Variants in ZFPM2 observed in about 807,000 individuals in gnomAD.
ZFPM2 encodes the protein zinc finger protein, FOG family member 2.
ZFPM2 carries 20 observed loss-of-function variants against 98.6 expected under a neutral mutation model. The observed-to-expected ratio is 0.20, with a 90% CI of 0.14 to 0.29. ZFPM2 has a LOEUF of 0.29. Among genes scored for constraint, ZFPM2 ranks in the 10% least tolerant of loss-of-function variants. The probability of loss-of-function intolerance (pLI) is 1.00; values close to 1 mark genes in which losing one functional copy is unlikely to be tolerated. For synonymous variants in ZFPM2, 518 were observed against 502.7 expected (o/e 1.03, Z -0.41); for missense variants, 1,310 against 1,388.6 (o/e 0.94, Z 0.90).
rs1182239436 is a variant in ZFPM2, at chr8:105,803,756, T to A, written c.*218T>A. On this transcript the variant is annotated 3_prime_UTR_variant, in exon 8 of 8. Transcript: ENST00000407775. Reference sequence around the variant, plus strand: ...AATTAATTTATTTTACCAGCAGTATTCATAGCTGTGGTTATGTTATTTTTT... The same window carrying A: ...AATTAATTTATTTTACCAGCAGTATACATAGCTGTGGTTATGTTATTTTTT... The A allele has an allele frequency of 1.9e-6, 1 of 531,662 alleles. No homozygotes were observed. Among genetic ancestry groups the A allele is most frequent in the African/African-American group, 1.9e-5 (1 of 52,116 alleles). 32.9% of individuals were successfully genotyped at this position (531,662 alleles called of 1,614,324 possible). A position where few individuals can be genotyped will look rare whatever the true frequency, so the allele number is the denominator to read the frequency against.
At chr8:105,768,691 A>C (rs1256536927) in intron 5 of ZFPM2, among the ~76,000 whole-genome samples, 1 of 151,968 alleles carries the variant, frequency 6.6e-6, no homozygotes, top group Non-Finnish European at 1.5e-5. Flanking sequence ...TTATCCCTTG[A>C]ACTCTTTATT....
intron 4 of ZFPM2, among the ~76,000 whole-genome samples, chr8:105,623,017 C>T (rs1414223890): frequency 1.3e-5 from 2 of 152,010 alleles, no homozygotes; most frequent in Non-Finnish European, 2.9e-5. Flanking sequence ...CCTGATATTA[C>T]AATATTTGAA....
At chr8:105,658,784 G>T (rs1371374318) in intron 5 of ZFPM2, among the ~76,000 whole-genome samples, 4 of 151,952 alleles carry the variant, frequency 2.6e-5, no homozygotes, top group East Asian at 1.9e-4. Context: ...ATTTCTCTTT[G>T]TCTTATTAAT....
At chr8:105,781,020 C>T (rs887662121) in intron 5 of ZFPM2, among the ~76,000 whole-genome samples, 1 of 152,224 alleles carries the variant, frequency 6.6e-6, no homozygotes, top group Non-Finnish European at 1.5e-5. Flanking sequence ...TCTTTCTACA[C>T]TATGTAAAAT....
At chr8:105,559,834 T>C (rs1441109120) in intron 3 of ZFPM2, among the ~76,000 whole-genome samples, 2 of 152,172 alleles carry the variant, frequency 1.3e-5, no homozygotes, top group African/African-American at 2.4e-5. Context: ...TAAAGATAGC[T>C]ACTAACTTGA....
At chr8:105,386,808 G>A (rs867719464) in intron 1 of ZFPM2, among the ~76,000 whole-genome samples, 1 of 152,122 alleles carries the variant, frequency 6.6e-6, no homozygotes, top group South Asian at 2.1e-4. Flanking sequence ...GCTGATTGGT[G>A]TGTTTACAAT....
chr8:105,628,979 T>C (rs12680971), intron 4 of ZFPM2, among the ~76,000 whole-genome samples: 30,279 of 152,142 alleles, frequency 0.2, 3,082 homozygotes, highest in South Asian at 0.26. Context: ...AATAGCACTG[T>C]AACAAGCCCT....
chr8:105,351,873 T>A (rs1340835568), intron 1 of ZFPM2, among the ~76,000 whole-genome samples: 1 of 152,148 alleles, frequency 6.6e-6, no homozygotes, highest in Non-Finnish European at 1.5e-5. Flanking sequence ...CGATATTTAA[T>A]CAATGGAGAA....
intron 3 of ZFPM2, among the ~76,000 whole-genome samples, chr8:105,465,099 T>C (rs962117164): frequency 8.6e-5 from 13 of 151,778 alleles, no homozygotes; most frequent in African/African-American, 3.1e-4. Context: ...TTTCACTGAG[T>C]ATACCAGAGT....
rs573859486 is a variant in ZFPM2, at chr8:105,614,966, G to T, written c.421-19280G>T. On this transcript the variant is annotated intron_variant, in intron 4 of 7. Transcript: ENST00000407775. ...GCCTTATCATTGAATTTACTTTAGG[G>T]TTACTTAAACTAGTCTAGTGCAAAA... is the stretch of plus-strand genomic sequence containing the variant. Among the ~76,000 whole-genome samples, 152 of 152,174 alleles carry T rather than the reference G, an allele frequency of 1.0e-3. 2 individuals are homozygous for T. The highest frequency in any genetic ancestry group is 3.4e-3 in the African/African-American group (142 of 41,522).
chr8:105,417,815 C>T (rs970666891), intron 1 of ZFPM2, among the ~76,000 whole-genome samples: 3 of 151,988 alleles, frequency 2.0e-5, no homozygotes, highest in East Asian at 1.9e-4. Flanking sequence ...TAATAAAACA[C>T]GATATGACCA....
chr8:105,493,587 G>T (rs763758433), intron 3 of ZFPM2, among the ~76,000 whole-genome samples: 2 of 152,122 alleles, frequency 1.3e-5, no homozygotes, highest in African/African-American at 2.4e-5. Context: ...GTGCACTGTG[G>T]TTATCAGATT....
chr8:105,427,138 C>G (rs921684644), intron 2 of ZFPM2, among the ~76,000 whole-genome samples: 1 of 151,970 alleles, frequency 6.6e-6, no homozygotes, highest in African/African-American at 2.4e-5. Context: ...GGAGAGCATG[C>G]GAAGGAACTC....
intron 1 of ZFPM2, among the ~76,000 whole-genome samples, chr8:105,344,578 T>C (rs1812482268): frequency 6.6e-6 from 1 of 152,140 alleles, no homozygotes; most frequent in South Asian, 2.1e-4. Flanking sequence ...TAATTTTGTA[T>C]TCTCCTGTTA....
chr8:105,339,562 A>T (rs1188322694), intron 1 of ZFPM2, among the ~76,000 whole-genome samples: 1 of 151,878 alleles, frequency 6.6e-6, no homozygotes, highest in Non-Finnish European at 1.5e-5. Flanking sequence ...TGTATTAACT[A>T]TTAACATAAT....
At chr8:105,767,968 G>A (rs945856265) in intron 5 of ZFPM2, among the ~76,000 whole-genome samples, 8 of 151,868 alleles carry the variant, frequency 5.3e-5, no homozygotes, top group African/African-American at 1.9e-4. Flanking sequence ...GTCCTCCAAT[G>A]AAAGGATGAA....
At chr8:105,661,880 C>A (rs1817395797) in intron 5 of ZFPM2, among the ~76,000 whole-genome samples, 1 of 152,044 alleles carries the variant, frequency 6.6e-6, no homozygotes, top group South Asian at 2.1e-4. Context: ...TTTTACACAA[C>A]CCAGTTGGGA....
At chr8:105,485,447 G>C (rs535813417) in intron 3 of ZFPM2, among the ~76,000 whole-genome samples, 4 of 152,260 alleles carry the variant, frequency 2.6e-5, no homozygotes, top group African/African-American at 9.6e-5. Context: ...GAGTCTAGGA[G>C]TTCAAGGCTG....
intron 3 of ZFPM2, among the ~76,000 whole-genome samples, chr8:105,538,367 A>G (rs979906278): frequency 4.6e-5 from 7 of 152,148 alleles, no homozygotes; most frequent in Non-Finnish European, 8.8e-5. Flanking sequence ...CTTCAATTCA[A>G]TGGAAGGAGA....
Sources: gnomAD v4.1 joint callset for allele counts (sites outside exome capture counted in the v4.1 genomes callset) on GRCh38, gnomAD v4.1.1 for gene constraint, MANE v1.5 for transcripts, NCBI Gene and HGNC (gene_info 2026-07-23, HGNC 2026-07-21) for gene names.